DNAH9: variants seen among roughly 807,000 people sequenced by gnomAD.
DNAH9 encodes DNAH9 variant protein.
DNAH9 carries 345 observed loss-of-function variants against 471.6 expected under a neutral mutation model. That is an observed-to-expected ratio of 0.73 (90% CI 0.67 to 0.80). The LOEUF (loss-of-function observed/expected upper bound fraction) is 0.80. Ranked by LOEUF, DNAH9 falls within the 30% of genes least tolerant of loss-of-function variation. The probability of loss-of-function intolerance (pLI) is 0.00; values close to 1 mark genes in which losing one functional copy is unlikely to be tolerated. For missense variants in DNAH9, 5,407 were observed against 5,609.2 expected, an observed-to-expected ratio of 0.96 and a Z score of 1.15; for synonymous variants, 2,093 against 2,123.6, an observed-to-expected ratio of 0.99 and a Z score of 0.40.
chr17:11,872,860 C>T (rs2150987256), intron 52 of DNAH9, among the ~76,000 whole-genome samples: 1 of 152,340 alleles, frequency 6.6e-6, no homozygotes, highest in South Asian at 2.1e-4. Context: ...GCGAAGCTTG[C>T]AGTGAGCCAA....
At position 11,738,877 on chromosome 17, in the gene DNAH9, C is replaced by A. The variant is rs2075392793; in HGVS notation, c.5815-3C>A. ...ATTTCTCGCTGATTGATTGGTTCACCAGGTAAAAAGCATTCAAGATGCGAT... is the reference window on the plus strand; with the variant it reads ...ATTTCTCGCTGATTGATTGGTTCACAAGGTAAAAAGCATTCAAGATGCGAT... On this transcript the variant is annotated splice_polypyrimidine_tract_variant and splice_region_variant and intron_variant, in intron 28 of 68. Transcript: ENST00000262442. The A allele has an allele frequency of 1.2e-6, 2 of 1,613,454 alleles. No individual in the cohort carries two copies. The highest frequency in any genetic ancestry group is 1.7e-6 in the Non-Finnish European group (2 of 1,179,628).
chr17:11,621,565 C>T (rs575450137), intron 6 of DNAH9, among the ~76,000 whole-genome samples: 7 of 152,038 alleles, frequency 4.6e-5, no homozygotes, highest in African/African-American at 9.7e-5. Flanking sequence ...GACAGGAGAA[C>T]GTAAGATTGG....
In DNAH9 at chr17:11,930,054, G is replaced by A. The variant is rs1974456109; in HGVS notation, c.12066G>A (p.Met4022Ile). 1.2e-6 allele frequency: 2 copies of A among 1,614,126 alleles called. No homozygotes were observed. The change falls in exon 63 of 69, where the codon ATG becomes ATA. Residue 4022 changes from methionine (M) to isoleucine (I), a missense_variant. Physicochemically the swap from Met to Ile is conservative, Grantham distance 10. This residue lies in a region of DNAH9 where 4,636 missense variants were observed against 4,900.3 expected (regional missense o/e 0.95). Transcript: ENST00000262442. The part of the protein sequence containing the change: ...IKITNEPPTG[M>I]HANLHKALDN... ...TCACCAATGAGCCCCCCACGGGCAT[G>A]CATGCCAACCTGCACAAGGCCCTGG...
At chr17:11,670,372 C>A (rs1169866115) in intron 17 of DNAH9, among the ~76,000 whole-genome samples, 1 of 152,126 alleles carries the variant, frequency 6.6e-6, no homozygotes, top group Non-Finnish European at 1.5e-5. Flanking sequence ...GTCAACAGTC[C>A]CCCGGTCACT....
intron 26 of DNAH9, among the ~76,000 whole-genome samples, chr17:11,708,316 G>A (rs142972642): frequency 6.6e-6 from 1 of 152,172 alleles, no homozygotes; most frequent in Non-Finnish European, 1.5e-5. Context: ...AGTTGACTTA[G>A]GGGCAAGGTC....
chr17:11,963,294 C>T (rs892288757), intron 68 of DNAH9, among the ~76,000 whole-genome samples: 4 of 151,992 alleles, frequency 2.6e-5, no homozygotes, highest in African/African-American at 9.7e-5. Flanking sequence ...ATTAGCCGGG[C>T]ATGGTGGTGC....
chr17:11,934,336 T>G (rs1452673702), intron 65 of DNAH9, among the ~76,000 whole-genome samples: 1 of 152,164 alleles, frequency 6.6e-6, no homozygotes, highest in Non-Finnish European at 1.5e-5. Context: ...ATCTTTCGAT[T>G]CTTGATGATT....
At chr17:11,633,196 T>C (rs751568404) in intron 8 of DNAH9, among the ~76,000 whole-genome samples, 15 of 152,144 alleles carry the variant, frequency 9.9e-5, no homozygotes, top group Non-Finnish European at 1.6e-4. Flanking sequence ...AGATGATGCA[T>C]AGGTAAATGG....
chr17:11,861,801 T>C (rs1278667353), intron 50 of DNAH9, among the ~76,000 whole-genome samples: 3 of 152,130 alleles, frequency 2.0e-5, no homozygotes, highest in South Asian at 2.1e-4. Context: ...TTTCATGTGT[T>C]TTTTGGCTGC....
At chr17:11,811,703 G>A (rs553003367) in intron 45 of DNAH9, among the ~76,000 whole-genome samples, 8 of 152,122 alleles carry the variant, frequency 5.3e-5, no homozygotes, top group African/African-American at 7.2e-5. Context: ...TACCTAGGAC[G>A]AAGTCTTTCA....
At chr17:11,799,298 A>C (rs1412293973) in intron 43 of DNAH9, among the ~76,000 whole-genome samples, 1 of 150,698 alleles carries the variant, frequency 6.6e-6, no homozygotes, top group African/African-American at 2.5e-5. Flanking sequence ...CTACTTCCCC[A>C]GAAGTAGTTA....
intron 62 of DNAH9, chr17:11,925,478 G>T: frequency 3.7e-6 from 1 of 270,858 alleles, no homozygotes; most frequent in South Asian, 3.8e-5. Context: ...CAGGAGAAAA[G>T]ATAATAACAG....
chr17:11,938,329 G>A (rs991211513), intron 66 of DNAH9, among the ~76,000 whole-genome samples: 6 of 151,842 alleles, frequency 4.0e-5, no homozygotes, highest in African/African-American at 1.2e-4. Flanking sequence ...TGTGGTGGTG[G>A]GCGCCTGTAA....
chr17:11,944,596 C>G (rs546156653), intron 67 of DNAH9, among the ~76,000 whole-genome samples: 6 of 152,164 alleles, frequency 3.9e-5, no homozygotes, highest in Non-Finnish European at 8.8e-5. Flanking sequence ...GTAGCTGGGA[C>G]CTTTGTCTAC....
At position 11,781,836 on chromosome 17, in the gene DNAH9, AAAAAAAACAAAC is replaced by A. The variant is rs941931604; in HGVS notation, c.7718+670_7718+681del. Among the ~76,000 whole-genome samples, 11 of 145,594 alleles carry A rather than the reference AAAAAAAACAAAC, an allele frequency of 7.6e-5. 1 individual carries two copies. The highest frequency in any genetic ancestry group is 2.6e-4 in the African/African-American group (10 of 37,846). On this transcript the variant is annotated intron_variant, in intron 39 of 68. Transcript: ENST00000262442. ...AACAGAGCGAGACTCCATCTTAAAA[AAAAAAAACAAAC>A]AAAAAAAAAACTACCAAACACCCGG...
chr17:11,915,208 A>G (rs1420254369), intron 61 of DNAH9, among the ~76,000 whole-genome samples: 2 of 152,164 alleles, frequency 1.3e-5, no homozygotes, highest in East Asian at 1.9e-4. Context: ...ATGTGATTGT[A>G]TCACTCTTCT....
Position 11,823,037 on chromosome 17 carries a change from G to A in DNAH9, c.9246+3G>A, listed in dbSNP as rs1417404324. On this transcript the variant is annotated splice_donor_region_variant and intron_variant, in intron 48 of 68. Transcript: ENST00000262442. ...AGCTGCATAGCACCTCTGCCCAGGT[G>A]AGCAATGTCCCGCTCCTTCCACCTG... 3 of 1,609,328 alleles carry A rather than the reference G, an allele frequency of 1.9e-6. No homozygotes were observed. The highest frequency in any genetic ancestry group is 2.5e-6 in the Non-Finnish European group (3 of 1,177,588).
chr17:11,731,576 T>C (rs2075271565), intron 28 of DNAH9, among the ~76,000 whole-genome samples: 1 of 120,292 alleles, frequency 8.3e-6, no homozygotes, highest in Non-Finnish European at 1.6e-5. Context: ...CAGGCCCCAG[T>C]GTGTGATGTT....
At chr17:11,712,357 G>C (rs1214811883) in intron 26 of DNAH9, among the ~76,000 whole-genome samples, 3 of 151,592 alleles carry the variant, frequency 2.0e-5, no homozygotes, top group Admixed American at 6.6e-5. Context: ...ATGATTTTCA[G>C]CTGAGGCTGT....
Sources: gnomAD v4.1 joint callset for allele counts (sites outside exome capture counted in the v4.1 genomes callset) on GRCh38, gnomAD v4.1.1 for gene constraint, gnomAD v4.1.1 regional missense constraint, MANE v1.5 for transcripts, NCBI Gene and HGNC (gene_info 2026-07-23, HGNC 2026-07-21) for gene names.